Variants in FOCAD observed in about 807,000 individuals in gnomAD.
The protein encoded by FOCAD is KIAA1797.
In FOCAD, 198 loss-of-function variants were observed where a neutral mutation model predicts 225.6. The observed-to-expected ratio is 0.88, with a 90% CI of 0.78 to 0.99. The LOEUF is 0.99. FOCAD is among the 50% of genes least tolerant of loss of function. The pLI, the probability that FOCAD is intolerant of heterozygous loss-of-function variation, is 0.00. For missense variants in FOCAD, 2,713 were observed against 2,123.6 expected, an observed-to-expected ratio of 1.28 and a Z score of -5.46; for synonymous variants, 897 against 755.0, an observed-to-expected ratio of 1.19 and a Z score of -3.08.
intron 1 of FOCAD, among the ~76,000 whole-genome samples, chr9:20,699,796 A>ATATG (rs1823775040): frequency 4.4e-5 from 5 of 114,104 alleles, no homozygotes; most frequent in Non-Finnish European, 8.9e-5. Flanking sequence ...ATATATATAT[A>ATATG]TATATATATA....
At chr9:20,926,460 G>C (rs1834956181) in intron 26 of FOCAD, 43 bp downstream of exon 26, 3 of 1,211,800 alleles carry the variant, frequency 2.5e-6, no homozygotes, top group Non-Finnish European at 1.2e-6. Context: ...CTCAAGAATT[G>C]ACTCTTATGA....
chr9:20,942,929 A>G (rs563386875), intron 28 of FOCAD, among the ~76,000 whole-genome samples: 104 of 152,344 alleles, frequency 6.8e-4, no homozygotes, highest in African/African-American at 2.3e-3. Context: ...AGGAAGTAAC[A>G]TTTGAAATCT....
intron 35 of FOCAD, among the ~76,000 whole-genome samples, chr9:20,970,214 C>G (rs1839645638): frequency 6.6e-6 from 1 of 151,970 alleles, no homozygotes; most frequent in Non-Finnish European, 1.5e-5. Flanking sequence ...CTTTGTTGAG[C>G]TTCTTGAATG....
At chr9:20,851,216 T>G (rs945882858) in intron 15 of FOCAD, among the ~76,000 whole-genome samples, 4 of 151,464 alleles carry the variant, frequency 2.6e-5, no homozygotes, top group African/African-American at 9.7e-5. Flanking sequence ...TTTTGGTTTT[T>G]TTTTTTTCGT....
In FOCAD at chr9:20,789,413, G is replaced by T; in HGVS notation, c.1260G>T (p.Arg420Ser). 1 of 1,613,998 alleles carries T rather than the reference G, an allele frequency of 6.2e-7. No individual in the cohort carries two copies. The highest frequency in any genetic ancestry group is 2.2e-5 in the East Asian group (1 of 44,876). The change falls in exon 11 of 44, where the codon AGG (arginine) becomes AGT (serine). Residue 420 changes from arginine (R) to serine (S), a missense_variant. Arg to Ser is a moderately radical substitution (Grantham distance 110, BLOSUM62 -1). Transcript: ENST00000338382. ...ATGGTACAATATTTACAGCCTGGAG[G>T]ATTCTTGAAGTAATGACAGACTCGT... Reference protein sequence around the residue: ...SMYGTIFTAWRILEVMTDSSA... With the variant: ...SMYGTIFTAWSILEVMTDSSA...
intron 11 of FOCAD, among the ~76,000 whole-genome samples, chr9:20,796,496 T>C (rs1359879056): frequency 6.6e-6 from 1 of 152,220 alleles, no homozygotes; most frequent in Non-Finnish European, 1.5e-5. Flanking sequence ...GACTTTTTAA[T>C]GATCGCCATT....
chr9:20,846,627 A>G (rs556432834), intron 15 of FOCAD, among the ~76,000 whole-genome samples: 2 of 152,214 alleles, frequency 1.3e-5, no homozygotes, highest in African/African-American at 2.4e-5. Context: ...TGAGCACCCT[A>G]TGTAGCAAGG....
At chr9:20,716,762 A>T (rs542047608) in intron 2 of FOCAD, among the ~76,000 whole-genome samples, 60 of 152,224 alleles carry the variant, frequency 3.9e-4, no homozygotes, top group Non-Finnish European at 7.5e-4. Context: ...GATTGCCTCT[A>T]GTAATTGATG....
intron 18 of FOCAD, among the ~76,000 whole-genome samples, chr9:20,869,813 T>C (rs1174151706): frequency 3.3e-5 from 5 of 152,208 alleles, no homozygotes; most frequent in African/African-American, 1.2e-4. Flanking sequence ...ATATATTTTG[T>C]TGGTTTGTAA....
chr9:20,810,035 A>T (rs1207552535), intron 11 of FOCAD, among the ~76,000 whole-genome samples: 1 of 152,182 alleles, frequency 6.6e-6, no homozygotes, highest in East Asian at 1.9e-4. Flanking sequence ...CACAAGACTC[A>T]GCATAGAGCT....
At chr9:20,937,500 T>C (rs1321858864) in intron 28 of FOCAD, among the ~76,000 whole-genome samples, 2 of 151,766 alleles carry the variant, frequency 1.3e-5, no homozygotes, top group African/African-American at 4.8e-5. Flanking sequence ...ATTTAATAAA[T>C]GGTGCTGGGA....
rs780931581 is a variant in FOCAD, at chr9:20,993,457, TG to T, written c.5332+131del. ...GAAATGCTTGGGACCAGAGGTGTTT[TG>T]GATTTTGGATGTTTTTGGATTTGGG... On this transcript the variant is annotated intron_variant, in intron 43 of 43. Coordinates refer to ENST00000338382, the MANE Select transcript of FOCAD (RefSeq NM_001375567.1). 20 of 746,334 alleles carry T rather than the reference TG, an allele frequency of 2.7e-5. No homozygotes were observed. In the East Asian group the frequency reaches 2.7e-4, roughly 10 times the overall value. 46.2% of individuals were successfully genotyped at this position (746,334 alleles called of 1,614,324 possible). A position where few individuals can be genotyped will look rare whatever the true frequency, so the allele number is the denominator to read the frequency against.
At chr9:20,668,575 T>C (rs565721186) in intron 2 of FOCAD, among the ~76,000 whole-genome samples, 127 of 152,314 alleles carry the variant, frequency 8.3e-4, no homozygotes, top group Non-Finnish European at 4.4e-4. Flanking sequence ...GGATAGGCTA[T>C]AAAGATTGTA....
intron 11 of FOCAD, among the ~76,000 whole-genome samples, chr9:20,819,373 C>T (rs1727766686): frequency 6.6e-6 from 1 of 151,854 alleles, no homozygotes; most frequent in South Asian, 2.1e-4. Context: ...ACTATCATGC[C>T]CAGTTAATTT....
chr9:20,845,567 A>T (rs997489949), intron 15 of FOCAD, among the ~76,000 whole-genome samples: 4 of 151,444 alleles, frequency 2.6e-5, no homozygotes, highest in African/African-American at 4.8e-5. Context: ...ACTGTCATCT[A>T]CAGTGCTACA....
rs186595489 is a variant in FOCAD at position 20,895,463 on chromosome 9, T to C, written c.2625+10233T>C. On this transcript the variant is annotated intron_variant, in intron 21 of 43. Transcript: ENST00000338382. ...AAAATCCATGAACCTGGAATATTTC[T>C]CTATTTATTTCATTCATTATTGATT... Among the ~76,000 whole-genome samples, 87 of 152,062 alleles carry C rather than the reference T, an allele frequency of 5.7e-4. 1 individual carries two copies. The East Asian group carries it at 0.017, about 29-fold the overall frequency.
At chr9:20,674,280 A>C (rs1163879441) in intron 2 of FOCAD, among the ~76,000 whole-genome samples, 1 of 152,104 alleles carries the variant, frequency 6.6e-6, no homozygotes, top group African/African-American at 2.4e-5. Context: ...TATTTATGCT[A>C]TTGTCTCTAT....
rs1835630481 is a variant in FOCAD, at chr9:20,933,029, A to G, written c.3333A>G (p.Gln1111=). The G allele has an allele frequency of 6.2e-7, 1 of 1,613,148 alleles. No individual in the cohort carries two copies. ...CEEKLSDISG[Q]EMNLLLMKSL... is the part of the protein sequence containing the mutation. ...CTTTAACCAGTGATATATCTGGCCA[A>G]GAGATGAACCTTCTTCTGATGAAGT... The change falls in exon 28 of 44, where the codon CAA becomes CAG. Residue 1111 remains glutamine (Q), a synonymous_variant. Transcript: ENST00000338382.
chr9:20,961,468 T>C (rs1198176516), intron 35 of FOCAD, among the ~76,000 whole-genome samples: 2 of 152,156 alleles, frequency 1.3e-5, no homozygotes, highest in Non-Finnish European at 2.9e-5. Context: ...TCCAGGTTTC[T>C]TTTAGTGGAG....
Sources: gnomAD v4.1 joint callset for allele counts (sites outside exome capture counted in the v4.1 genomes callset) on GRCh38, gnomAD v4.1.1 for gene constraint, MANE v1.5 for transcripts, NCBI Gene and HGNC (gene_info 2026-07-23, HGNC 2026-07-21) for gene names.